Variants in PCTP observed in about 807,000 individuals in gnomAD.
The protein encoded by PCTP is phosphatidylcholine transfer protein.
A neutral mutation model predicts 31.0 loss-of-function variants in PCTP; 27 were observed. That is an observed-to-expected ratio of 0.87 (90% confidence interval 0.64 to 1.20). The LOEUF (loss-of-function observed/expected upper bound fraction) is 1.20. Among genes scored for constraint, PCTP ranks in the 50% most tolerant of loss-of-function variants. The pLI, the probability that PCTP is intolerant of heterozygous loss-of-function variation, is 0.00. For synonymous variants in PCTP, 108 were observed against 101.2 expected, an observed-to-expected ratio of 1.07 and a Z score of -0.40; for missense variants, 287 against 268.2, an observed-to-expected ratio of 1.07 and a Z score of -0.49.
intron 3 of PCTP, among the ~76,000 whole-genome samples, chr17:55,789,183 C>A (rs1443901497): frequency 6.6e-6 from 1 of 152,180 alleles, no homozygotes; most frequent in Non-Finnish European, 1.5e-5. Context: ...CATCTATCTA[C>A]CTCACACATC....
downstream of PCTP, among the ~76,000 whole-genome samples, chr17:55,844,175 A>T (rs1240971106): frequency 2.6e-5 from 4 of 152,214 alleles, no homozygotes; most frequent in African/African-American, 9.6e-5. Context: ...ACCTTGTAAC[A>T]TGGCAGAATA....
At chr17:55,769,914 A>T (rs1910887784) in intron 2 of PCTP, 1 of 152,200 alleles carries the variant, frequency 6.6e-6, no homozygotes, top group South Asian at 2.1e-4. Flanking sequence ...AAAGCAACAG[A>T]TGTCCACCTC....
chr17:55,751,735 G>T (rs1249625427), intron 1 of PCTP, among the ~76,000 whole-genome samples: 1 of 152,162 alleles, frequency 6.6e-6, no homozygotes, highest in East Asian at 1.9e-4. Flanking sequence ...CTGTTTTAGT[G>T]ACTCGTTTCT....
chr17:55,819,010 C>CAAAAAAAA lies in PCTP; in HGVS notation c.318-3731_318-3724dup, dbSNP rs56823756. ...GTCCTACCAGGCTCTGGAAAGAAAT[C>CAAAAAAAA]AAAAAAAAAAAAAAAAAAAAAAAAA... On this transcript the variant is annotated intron_variant, in intron 3 of 3. Transcript: ENST00000572536. Among the ~76,000 whole-genome samples the CAAAAAAAA allele has an allele frequency of 5.7e-3, 294 of 51,148 alleles. 2 individuals carry two copies. Among genetic ancestry groups the CAAAAAAAA allele is most frequent in the East Asian group, 8.0e-3 (9 of 1,128 alleles). 33.6% of individuals were successfully genotyped at this position (51,148 alleles called of 152,430 possible). A position where few individuals can be genotyped will look rare whatever the true frequency, so the allele number is the denominator to read the frequency against.
chr17:55,820,684 C>T (rs1021592851), intron 3 of PCTP, among the ~76,000 whole-genome samples: 2 of 152,066 alleles, frequency 1.3e-5, no homozygotes, highest in Admixed American at 6.6e-5. Context: ...AATGATACAA[C>T]AAGAGACAAA....
chr17:55,767,286 C>T (rs16956397), intron 1 of PCTP, 49 bp from the exon 2 acceptor site: 68,665 of 1,185,012 alleles, frequency 0.058, 2,138 homozygotes, highest in Admixed American at 0.065. Flanking sequence ...ATGCAGCTTT[C>T]TCTCAACTTG....
intron 3 of PCTP, among the ~76,000 whole-genome samples, chr17:55,822,253 T>A (rs929232445): frequency 2.6e-4 from 40 of 152,218 alleles, no homozygotes; most frequent in African/African-American, 8.2e-4. Context: ...GATTACATTT[T>A]CTGTTTGGGC....
intron 3 of PCTP, among the ~76,000 whole-genome samples, chr17:55,793,681 T>C (rs1912083964): frequency 6.6e-6 from 1 of 152,144 alleles, no homozygotes; most frequent in African/African-American, 2.4e-5. Flanking sequence ...TTAACTTGTC[T>C]CTATTGAATA....
intron 3 of PCTP, among the ~76,000 whole-genome samples, chr17:55,819,489 T>A (rs572625345): frequency 1.1e-4 from 16 of 152,282 alleles, no homozygotes; most frequent in Non-Finnish European, 1.3e-4. Flanking sequence ...ATGCCTGTAA[T>A]CCTAGCAATT....
At chr17:55,782,044 T>A (rs932199411), downstream of PCTP, among the ~76,000 whole-genome samples, 4 of 152,136 alleles carry the variant, frequency 2.6e-5, no homozygotes, top group East Asian at 5.8e-4. Flanking sequence ...ATGATATAGT[T>A]CCAGTCCAAA....
At chr17:55,754,118 G>A (rs1020933774) in intron 1 of PCTP, among the ~76,000 whole-genome samples, 2 of 152,174 alleles carry the variant, frequency 1.3e-5, no homozygotes, top group Non-Finnish European at 2.9e-5. Flanking sequence ...GTGGACGTCA[G>A]CTAGGTGTCC....
chr17:55,847,988 T>A, the PCTP span, among the ~76,000 whole-genome samples: 1 of 152,100 alleles, frequency 6.6e-6, no homozygotes, highest in Non-Finnish European at 1.5e-5. Context: ...AGTGGTGAGA[T>A]TTCAGCTTAC....
chr17:55,816,919 TGA>T (rs1912938505), intron 3 of PCTP, among the ~76,000 whole-genome samples: 1 of 152,200 alleles, frequency 6.6e-6, no homozygotes, highest in South Asian at 2.1e-4. Flanking sequence ...AACCAATGAC[TGA>T]GAGATAATTG....
intron 2 of PCTP, chr17:55,768,864 A>C (rs1910831704): frequency 6.6e-6 from 1 of 152,232 alleles, no homozygotes; most frequent in African/African-American, 2.4e-5. Flanking sequence ...GTCATAGTGG[A>C]ATGGAACTAT....
intron 3 of PCTP, among the ~76,000 whole-genome samples, chr17:55,805,781 ATAT>A (rs1912557634): frequency 1.3e-5 from 2 of 152,000 alleles, no homozygotes; most frequent in Non-Finnish European, 2.9e-5. Flanking sequence ...GTAGTTCCTC[ATAT>A]TGTACCTATT....
the PCTP span, among the ~76,000 whole-genome samples, chr17:55,850,995 A>G: frequency 6.6e-6 from 1 of 152,172 alleles, no homozygotes; most frequent in African/African-American, 2.4e-5. Flanking sequence ...TTTTAGATAA[A>G]TTATTTTAAA....
downstream of PCTP, among the ~76,000 whole-genome samples, chr17:55,847,029 G>C (rs1269755037): frequency 1.3e-5 from 2 of 152,162 alleles, no homozygotes; most frequent in Non-Finnish European, 2.9e-5. Flanking sequence ...CATGAACAGT[G>C]ATTGCCATGT....
chr17:55,810,317 G>A (rs1314124870), intron 3 of PCTP, among the ~76,000 whole-genome samples: 4 of 152,182 alleles, frequency 2.6e-5, no homozygotes, highest in Non-Finnish European at 5.9e-5. Context: ...GTGCCTGGCC[G>A]AGCAAAGTCA....
At chr17:55,821,601 T>G (rs1477384800) in intron 3 of PCTP, among the ~76,000 whole-genome samples, 1 of 152,210 alleles carries the variant, frequency 6.6e-6, no homozygotes, top group African/African-American at 2.4e-5. Flanking sequence ...TGCTAGGTAC[T>G]GTGCTAAACT....
Sources: gnomAD v4.1 joint callset for allele counts (sites outside exome capture counted in the v4.1 genomes callset) on GRCh38, gnomAD v4.1.1 for gene constraint, MANE v1.5 for transcripts, NCBI Gene and HGNC (gene_info 2026-07-23, HGNC 2026-07-21) for gene names.